ADAMTS6: variants seen among roughly 807,000 people sequenced by gnomAD.
ADAMTS6 encodes A disintegrin and metalloproteinase with thrombospondin motifs 6.
A neutral mutation model predicts 144.3 loss-of-function variants in ADAMTS6; 23 were observed. That is an observed-to-expected ratio of 0.16 (90% CI 0.11 to 0.23). The LOEUF (loss-of-function observed/expected upper bound fraction) is 0.23, where lower values mean the gene tolerates loss of function less well. ADAMTS6 is among the 10% of genes least tolerant of loss of function. The pLI, the probability that ADAMTS6 is intolerant of heterozygous loss-of-function variation, is 1.00. For missense variants in ADAMTS6, 999 were observed against 1,379.6 expected, an observed-to-expected ratio of 0.72 and a Z score of 4.37; for synonymous variants, 444 against 457.5, an observed-to-expected ratio of 0.97 and a Z score of 0.38.
intron 24 of ADAMTS6, among the ~76,000 whole-genome samples, chr5:65,161,038 T>C: frequency 6.6e-6 from 1 of 151,662 alleles, no homozygotes; most frequent in East Asian, 2.0e-4. Flanking sequence ...CTCTCTCTTT[T>C]TATTTATTTA....
chr5:65,378,315 A>G (rs981600140), intron 7 of ADAMTS6, among the ~76,000 whole-genome samples: 5 of 152,054 alleles, frequency 3.3e-5, no homozygotes, highest in African/African-American at 1.2e-4. Flanking sequence ...ATAATCTTTA[A>G]CTTATCCTTC....
At chr5:65,210,523 A>G (rs1219807613) in intron 20 of ADAMTS6, 18 of 443,558 alleles carry the variant, frequency 4.1e-5, no homozygotes, top group Admixed American at 8.1e-5. Flanking sequence ...TGTGGAAAGC[A>G]TTGATGTTCA....
chr5:65,187,432 A>G (rs756118538), intron 22 of ADAMTS6, among the ~76,000 whole-genome samples: 2 of 152,232 alleles, frequency 1.3e-5, no homozygotes, highest in Admixed American at 1.3e-4. Flanking sequence ...ATGTTTTCCT[A>G]TGTTATAACC....
chr5:65,301,589 T>C (rs1313271908), intron 9 of ADAMTS6, among the ~76,000 whole-genome samples: 2 of 152,174 alleles, frequency 1.3e-5, no homozygotes, highest in Non-Finnish European at 2.9e-5. Context: ...CAAGTAATTA[T>C]AGTAACTCCA....
At chr5:65,297,359 G>A in intron 10 of ADAMTS6, 1 of 397,384 alleles carries the variant, frequency 2.5e-6, no homozygotes, top group Non-Finnish European at 4.9e-6. Context: ...ATAGTTTTCA[G>A]TTGAACATAG....
chr5:65,374,060 C>G (rs1042452854), intron 7 of ADAMTS6, among the ~76,000 whole-genome samples: 381 of 152,206 alleles, frequency 2.5e-3, no homozygotes, highest in African/African-American at 8.2e-3. Context: ...ATTCAACAAC[C>G]CTTCATGCTA....
rs1561554909 is a variant in ADAMTS6, at chr5:65,452,696, A to C, written c.843+11T>G. On this transcript the variant is annotated intron_variant, in intron 5 of 24. Coordinates refer to ENST00000381055, the MANE Select transcript of ADAMTS6 (RefSeq NM_197941.4). ...ATGAAGTAAAATATTATATAGAGGGATCAAACTTACAATATTCATCACACT... is the reference window on the plus strand; with the variant it reads ...ATGAAGTAAAATATTATATAGAGGGCTCAAACTTACAATATTCATCACACT... The C allele has an allele frequency of 1.9e-6, 3 of 1,613,418 alleles. No homozygotes were observed. The East Asian group carries it at 6.7e-5, about 36-fold the overall frequency.
At chr5:65,384,584 A>G (rs1206675683) in intron 7 of ADAMTS6, among the ~76,000 whole-genome samples, 1 of 152,176 alleles carries the variant, frequency 6.6e-6, no homozygotes, top group Non-Finnish European at 1.5e-5. Context: ...CCGTATTTGT[A>G]CCAATATTCT....
intron 3 of ADAMTS6, among the ~76,000 whole-genome samples, chr5:65,463,644 C>A (rs1180420612): frequency 6.6e-6 from 1 of 152,160 alleles, no homozygotes; most frequent in Non-Finnish European, 1.5e-5. Flanking sequence ...CCCCTGAATT[C>A]TAATTCTCAT....
At chr5:65,335,108 T>G (rs185356381) in intron 7 of ADAMTS6, among the ~76,000 whole-genome samples, 6 of 152,146 alleles carry the variant, frequency 3.9e-5, no homozygotes, top group Non-Finnish European at 8.8e-5. Context: ...TTCTTACTTA[T>G]CAATCACCAG....
chr5:65,299,536 T>C (rs1355490873), intron 10 of ADAMTS6, among the ~76,000 whole-genome samples: 1 of 152,236 alleles, frequency 6.6e-6, no homozygotes, highest in Non-Finnish European at 1.5e-5. Flanking sequence ...AACAAATCTT[T>C]TTCTCAAAGT....
intron 7 of ADAMTS6, among the ~76,000 whole-genome samples, chr5:65,368,388 G>A (rs1285420672): frequency 5.9e-5 from 9 of 152,162 alleles, no homozygotes; most frequent in African/African-American, 1.9e-4. Context: ...TTGCTTCAAA[G>A]TGTCCCTCAC....
intron 22 of ADAMTS6, among the ~76,000 whole-genome samples, chr5:65,173,271 A>T (rs1753744054): frequency 6.6e-6 from 1 of 152,174 alleles, no homozygotes; most frequent in African/African-American, 2.4e-5. Flanking sequence ...GGATAGGTTG[A>T]TTCCTCTATT....
chr5:65,224,274 C>T (rs746873329), intron 18 of ADAMTS6, 46 bp downstream of exon 18: 3 of 1,511,040 alleles, frequency 2.0e-6, no homozygotes, highest in South Asian at 2.2e-5. Flanking sequence ...TACTTTTCCT[C>T]ATTTACTTTT....
At chr5:65,408,715 C>T (rs1405748602) in intron 7 of ADAMTS6, among the ~76,000 whole-genome samples, 2 of 152,156 alleles carry the variant, frequency 1.3e-5, no homozygotes, top group East Asian at 1.9e-4. Context: ...AGCAACATAT[C>T]GCACTTATTC....
intron 7 of ADAMTS6, among the ~76,000 whole-genome samples, chr5:65,365,496 A>C (rs1165085497): frequency 6.6e-6 from 1 of 151,980 alleles, no homozygotes; most frequent in Non-Finnish European, 1.5e-5. Flanking sequence ...AAACACAAAA[A>C]ATTAGCCAGT....
chr5:65,320,483 A>T (rs1034805187), intron 9 of ADAMTS6, among the ~76,000 whole-genome samples: 1 of 152,258 alleles, frequency 6.6e-6, no homozygotes, highest in East Asian at 1.9e-4. Flanking sequence ...AATTCTAAAA[A>T]TATTTAAAGA....
chr5:65,400,847 G>A (rs1303935779), intron 7 of ADAMTS6, among the ~76,000 whole-genome samples: 1 of 152,032 alleles, frequency 6.6e-6, no homozygotes, highest in Non-Finnish European at 1.5e-5. Context: ...AGCCCATCAA[G>A]GCATTCTTCA....
chr5:65,350,417 T>C (rs1023791530), intron 7 of ADAMTS6, among the ~76,000 whole-genome samples: 69 of 152,296 alleles, frequency 4.5e-4, no homozygotes, highest in African/African-American at 1.7e-3. Flanking sequence ...ATTATCTTTG[T>C]GGTCCTCTTC....
Sources: allele counts gnomAD v4.1 joint callset (sites outside exome capture counted in the v4.1 genomes callset), GRCh38; gene constraint gnomAD v4.1.1; transcripts MANE v1.5; gene names NCBI Gene and HGNC (gene_info 2026-07-23, HGNC 2026-07-21).